The following RPS6KA5 variants were observed in gnomAD, a reference collection of about 807,000 sequenced individuals.
RPS6KA5 encodes ribosomal protein S6 kinase A5.
RPS6KA5 carries 27 observed loss-of-function variants against 85.5 expected under a neutral mutation model. The ratio of observed to expected loss-of-function variants is 0.32; its 90% CI spans 0.23 to 0.44. The LOEUF is 0.44. Ranked by LOEUF, RPS6KA5 falls within the 20% of genes least tolerant of loss-of-function variation. RPS6KA5 has a pLI of 1.00. For missense variants in RPS6KA5, 811 were observed against 980.9 expected, an observed-to-expected ratio of 0.83 and a Z score of 2.31; for synonymous variants, 334 against 348.2, an observed-to-expected ratio of 0.96 and a Z score of 0.46.
chr14:90,865,128 T>C lies in RPS6KA5; in HGVS notation c.*6946A>G, dbSNP rs1162211189. On this transcript the variant is annotated 3_prime_UTR_variant, in exon 17 of 17. Coordinates refer to ENST00000614987, the MANE Select transcript of RPS6KA5 (RefSeq NM_004755.4). ...TGGAATGTAGTGGTGCGATCAAGGC[T>C]CACTGCAGCCAGCTGTTTCACTTTT... 6.6e-6 allele frequency: 1 copy of C among 152,228 alleles called. No homozygotes were observed. The highest frequency in any genetic ancestry group is 6.5e-5 in the Admixed American group (1 of 15,272). 9.4% of individuals were successfully genotyped at this position (152,228 alleles called of 1,614,324 possible).
chr14:90,980,677 C>G (rs1324589388), intron 2 of RPS6KA5, among the ~76,000 whole-genome samples: 2 of 152,182 alleles, frequency 1.3e-5, no homozygotes, highest in African/African-American at 2.4e-5. Context: ...AGTCTGACTC[C>G]TGGGCCAGTC....
intron 1 of RPS6KA5, among the ~76,000 whole-genome samples, chr14:91,014,717 T>A (rs755847667): frequency 1.2e-4 from 18 of 152,192 alleles, no homozygotes; most frequent in Admixed American, 3.9e-4. Context: ...TTTTGATACA[T>A]CTTATACTAC....
At position 90,862,263 on chromosome 14, in the gene RPS6KA5, A is replaced by G. The variant is rs965223582; in HGVS notation, c.*9811T>C. 6.6e-6 allele frequency: 1 copy of G among 152,202 alleles called. No homozygotes were observed. The highest frequency in any genetic ancestry group is 1.5e-5 in the Non-Finnish European group (1 of 68,042). 9.4% of individuals were successfully genotyped at this position (152,202 alleles called of 1,614,324 possible). ...AAAACTTCTCATTCAAGTGGCTTCA[A>G]TGGTGAATTATTTTAAACAGGAGGA... is the stretch of plus-strand genomic sequence containing the variant. On this transcript the variant is annotated 3_prime_UTR_variant, in exon 17 of 17. Coordinates refer to ENST00000614987, the MANE Select transcript of RPS6KA5 (RefSeq NM_004755.4).
At chr14:90,909,358 A>T (rs751969749) in intron 7 of RPS6KA5, among the ~76,000 whole-genome samples, 1 of 152,232 alleles carries the variant, frequency 6.6e-6, no homozygotes, top group Admixed American at 6.5e-5. Flanking sequence ...AATGAATTAC[A>T]ATTAGGTAGA....
At chr14:91,060,182 G>C (rs1451171034) in intron 1 of RPS6KA5, 150 bp downstream of exon 1, 3 of 973,478 alleles carry the variant, frequency 3.1e-6, no homozygotes, top group Non-Finnish European at 1.2e-6. Context: ...GGACCCCCGG[G>C]GCACGCGCCC....
chr14:90,963,691 T>C lies in RPS6KA5; in HGVS notation c.394+14615A>G, dbSNP rs527817314. Among the ~76,000 whole-genome samples the C allele has an allele frequency of 3.3e-5, 5 of 152,332 alleles. No individual in the cohort carries two copies. The East Asian group carries it at 7.7e-4, about 24-fold the overall frequency. On this transcript the variant is annotated intron_variant, in intron 3 of 16. Coordinates refer to ENST00000614987, the MANE Select transcript of RPS6KA5 (RefSeq NM_004755.4). ...CAGGGGCGATACGACACACTTTACA[T>C]AGATCATTCCATTTAAGCCAATCAA...
Position 90,947,449 on chromosome 14 carries a change from C to T in RPS6KA5, c.496G>A (p.Glu166Lys), listed in dbSNP as rs1044722331. The T allele has an allele frequency of 1.1e-5, 17 of 1,601,392 alleles. No individual in the cohort carries two copies. The highest frequency in any genetic ancestry group is 4.5e-5 in the East Asian group (2 of 44,752). Residue 166 changes from glutamate (E) to lysine (K), a missense_variant, in exon 4 of 17, where the codon GAA (glutamate) becomes AAA (lysine). By Grantham distance (56) the Glu-to-Lys change is moderately conservative. Transcript: ENST00000614987. Reference sequence around the variant, plus strand: ...AAGAGTCTTACCTTGTGGAGATGTTCGAGGGCAAGCACAATCTCTCCAACA... The same window carrying T: ...AAGAGTCTTACCTTGTGGAGATGTTTGAGGGCAAGCACAATCTCTCCAACA... ...IYVGEIVLAL[E>K]HLHKLGIIYR...
intron 7 of RPS6KA5, among the ~76,000 whole-genome samples, chr14:90,907,462 A>G (rs2035574254): frequency 6.6e-6 from 1 of 152,344 alleles, no homozygotes; most frequent in Middle Eastern, 3.4e-3. Context: ...AGTGCTTAAC[A>G]TAGTACCTAG....
At chr14:90,912,844 G>T (rs1167665070) in intron 7 of RPS6KA5, among the ~76,000 whole-genome samples, 1 of 148,292 alleles carries the variant, frequency 6.7e-6, no homozygotes, top group African/African-American at 2.5e-5. Flanking sequence ...TCTGGGAGTC[G>T]TCCCCAGGGC....
At chr14:91,018,871 T>C (rs2041616909) in intron 1 of RPS6KA5, among the ~76,000 whole-genome samples, 1 of 152,076 alleles carries the variant, frequency 6.6e-6, no homozygotes, top group Non-Finnish European at 1.5e-5. Context: ...ATATAGCCTA[T>C]TAGTTCTGTT....
intron 1 of RPS6KA5, among the ~76,000 whole-genome samples, chr14:91,043,882 A>G (rs1032968550): frequency 2.0e-5 from 3 of 152,140 alleles, no homozygotes. Flanking sequence ...TGATAAAGGG[A>G]TTTTGCAGAT....
chr14:90,983,902 T>TG (rs2039944426), intron 2 of RPS6KA5, among the ~76,000 whole-genome samples: 1 of 150,668 alleles, frequency 6.6e-6, no homozygotes. Context: ...CGGAGTGCAG[T>TG]GGCATGATCT....
At chr14:90,919,492 G>A (rs2036287049) in intron 7 of RPS6KA5, among the ~76,000 whole-genome samples, 1 of 152,116 alleles carries the variant, frequency 6.6e-6, no homozygotes, top group Non-Finnish European at 1.5e-5. Context: ...CAAAATTCAA[G>A]TAAAAACAGG....
chr14:90,994,037 C>G (rs1189674576), intron 2 of RPS6KA5, among the ~76,000 whole-genome samples: 1 of 152,088 alleles, frequency 6.6e-6, no homozygotes, highest in African/African-American at 2.4e-5. Context: ...TACAGTCATG[C>G]ATGCACCACC....
chr14:90,885,741 CAAAAAAAAAAAAAAAAAAAAAA>C (rs11312699), intron 14 of RPS6KA5, among the ~76,000 whole-genome samples: 6 of 27,876 alleles, frequency 2.2e-4, no homozygotes, highest in African/African-American at 8.9e-4. Context: ...GACTCCATCT[CAAAAAAAAAAAAAAAAAAAAAA>C]AAAAAAAAAA....
intron 13 of RPS6KA5, among the ~76,000 whole-genome samples, chr14:90,891,322 T>C (rs1595139440): frequency 6.6e-6 from 1 of 151,362 alleles, no homozygotes; most frequent in East Asian, 1.9e-4. Flanking sequence ...CCATTACATT[T>C]CAGAAATATT....
At chr14:90,906,756 C>A (rs2035527085) in intron 7 of RPS6KA5, among the ~76,000 whole-genome samples, 1 of 151,942 alleles carries the variant, frequency 6.6e-6, no homozygotes, top group Non-Finnish European at 1.5e-5. Context: ...CCCCTGAGTG[C>A]CAGCAAACCT....
chr14:91,001,702 G>A (rs2040804386), intron 1 of RPS6KA5, among the ~76,000 whole-genome samples: 1 of 152,010 alleles, frequency 6.6e-6, no homozygotes, highest in African/African-American at 2.4e-5. Flanking sequence ...ATGAACTCTA[G>A]GATCCCTGTC....
chr14:90,963,467 C>T (rs1221892011), intron 3 of RPS6KA5, among the ~76,000 whole-genome samples: 1 of 152,156 alleles, frequency 6.6e-6, no homozygotes, highest in Non-Finnish European at 1.5e-5. Flanking sequence ...GTCACCCACT[C>T]ATTTTAGCAT....
Sources: allele counts gnomAD v4.1 joint callset (sites outside exome capture counted in the v4.1 genomes callset), GRCh38; gene constraint gnomAD v4.1.1; transcripts MANE v1.5; gene names NCBI Gene and HGNC (gene_info 2026-07-23, HGNC 2026-07-21).